CEP128: variants seen among roughly 807,000 people sequenced by gnomAD.
CEP128 encodes centrosomal protein 128kDa.
Under a neutral mutation model 156.7 loss-of-function variants are expected in CEP128, and 132 were observed. The observed-to-expected ratio is 0.84, with a 90% confidence interval of 0.73 to 0.97. CEP128 has a LOEUF of 0.97. Among genes scored for constraint, CEP128 ranks in the 50% least tolerant of loss-of-function variants. CEP128 has a pLI of 0.00. For synonymous variants in CEP128, 469 were observed against 448.9 expected (o/e 1.04, Z -0.57); for missense variants, 1,252 against 1,281.9 (o/e 0.98, Z 0.36).
intron 13 of CEP128, among the ~76,000 whole-genome samples, chr14:80,801,908 CCCAAAAA>C (rs1405874438): frequency 5.3e-5 from 1 of 18,704 alleles, no homozygotes; most frequent in Non-Finnish European, 1.1e-4. Flanking sequence ...ACTCTGTCTC[CCCAAAAA>C]AAAAAAAAAA....
At chr14:80,588,800 GAGCTTTTAAAAAA>G (rs1324943471) in intron 19 of CEP128, among the ~76,000 whole-genome samples, 1 of 151,796 alleles carries the variant, frequency 6.6e-6, no homozygotes, top group Admixed American at 6.6e-5. Flanking sequence ...TTCATTCAGT[GAGCTTTTAAAAAA>G]AGCATGGGAC....
At chr14:80,772,538 C>G (rs891693056) in intron 16 of CEP128, among the ~76,000 whole-genome samples, 4 of 152,184 alleles carry the variant, frequency 2.6e-5, no homozygotes, top group South Asian at 2.1e-4. Context: ...CGGACAGGAC[C>G]TGGGTACCAA....
intron 14 of CEP128, among the ~76,000 whole-genome samples, chr14:80,483,981 CT>C (rs991264627): frequency 1.5e-4 from 23 of 151,228 alleles, no homozygotes; most frequent in African/African-American, 5.4e-4. Flanking sequence ...ATTCCTTTTT[CT>C]TTTTTTTTCT....
chr14:80,844,631 T>C (rs1435055973), intron 9 of CEP128, among the ~76,000 whole-genome samples: 1 of 152,180 alleles, frequency 6.6e-6, no homozygotes, highest in Non-Finnish European at 1.5e-5. Flanking sequence ...GGATTGATCA[T>C]ATGTTAAATA....
At position 80,856,664 on chromosome 14, in the gene CEP128, C is replaced by CGT. The variant is rs908211651; in HGVS notation, c.762+6091_762+6092dup. 6.3e-5 allele frequency among the ~76,000 whole-genome samples: 9 copies of CGT among 142,340 alleles called. 1 individual carries two copies. Among genetic ancestry groups the CGT allele is most frequent in the South Asian group, 4.7e-4 (2 of 4,266 alleles). 93.4% of individuals were successfully genotyped at this position (142,340 alleles called of 152,430 possible). On this transcript the variant is annotated intron_variant, in intron 9 of 24. Transcript: ENST00000555265. ...ATAAAAGTGCTCTGGAGTGTGCCTG[C>CGT]GTGTGTGTGTGTGCGTGTGTGTGTG...
At chr14:80,481,992 T>C (rs1260268251) in intron 14 of CEP128, among the ~76,000 whole-genome samples, 1 of 152,268 alleles carries the variant, frequency 6.6e-6, no homozygotes, top group African/African-American at 2.4e-5. Flanking sequence ...AAAATTCTGG[T>C]ACAGCTGTAC....
At chr14:80,576,649 G>GTC (rs1891372138) in intron 20 of CEP128, among the ~76,000 whole-genome samples, 1 of 127,288 alleles carries the variant, frequency 7.9e-6, no homozygotes, top group Non-Finnish European at 1.7e-5. Context: ...GTGTGTGTGT[G>GTC]TGTGTCTGTG....
chr14:80,486,776 A>G (rs1411735644), downstream of CEP128, among the ~76,000 whole-genome samples: 1 of 152,182 alleles, frequency 6.6e-6, no homozygotes, highest in African/African-American at 2.4e-5. Context: ...ACTAAGCTTC[A>G]TAAGTGAAGG....
At chr14:80,827,676 G>A (rs987228713) in intron 13 of CEP128, among the ~76,000 whole-genome samples, 3 of 152,092 alleles carry the variant, frequency 2.0e-5, no homozygotes, top group African/African-American at 7.2e-5. Flanking sequence ...CTATAATTAT[G>A]AACAAACAAC....
intron 21 of CEP128, among the ~76,000 whole-genome samples, chr14:80,539,644 ACAG>A (rs1167686218): frequency 1.3e-5 from 2 of 152,124 alleles, no homozygotes; most frequent in East Asian, 3.9e-4. Context: ...AAAGAACAGA[ACAG>A]CAGCAATTTT....
intron 16 of CEP128, among the ~76,000 whole-genome samples, chr14:80,777,403 G>A (rs555773012): frequency 6.6e-6 from 1 of 152,306 alleles, no homozygotes; most frequent in South Asian, 2.1e-4. Context: ...GATTCTGCCA[G>A]CACCTTGATC....
intron 12 of CEP128, among the ~76,000 whole-genome samples, chr14:80,835,921 CG>C (rs1175037205): frequency 6.6e-6 from 1 of 152,118 alleles, no homozygotes; most frequent in Non-Finnish European, 1.5e-5. Context: ...GCATGGGAAT[CG>C]GAGGCTGGAA....
At chr14:80,863,596 A>C (rs1459241383) in intron 8 of CEP128, among the ~76,000 whole-genome samples, 1 of 152,204 alleles carries the variant, frequency 6.6e-6, no homozygotes, top group Non-Finnish European at 1.5e-5. Flanking sequence ...ACAGCCCACT[A>C]AATAAAATTT....
chr14:80,583,782 G>A (rs1185202731), intron 19 of CEP128, among the ~76,000 whole-genome samples: 1 of 152,122 alleles, frequency 6.6e-6, no homozygotes, highest in South Asian at 2.1e-4. Context: ...ATTAGCTTTT[G>A]TTGGATTACT....
At chr14:80,882,473 A>T (rs1173171860) in intron 8 of CEP128, among the ~76,000 whole-genome samples, 1 of 152,146 alleles carries the variant, frequency 6.6e-6, no homozygotes, top group Non-Finnish European at 1.5e-5. Flanking sequence ...TGTTCGTGGG[A>T]ATGTAAATTA....
At chr14:80,535,465 G>C (rs11628448) in intron 21 of CEP128, among the ~76,000 whole-genome samples, 32,110 of 152,158 alleles carry the variant, frequency 0.21, 3,725 homozygotes, top group African/African-American at 0.3. Context: ...AGACTTTGAA[G>C]ATGTGTCCTT....
chr14:80,856,703 T>A (rs945632903), intron 9 of CEP128, among the ~76,000 whole-genome samples: 1 of 147,776 alleles, frequency 6.8e-6, no homozygotes, highest in Non-Finnish European at 1.5e-5. Flanking sequence ...CCAGCATTTA[T>A]CTCATGTTTT....
chr14:80,907,164 T>C lies in CEP128; in HGVS notation c.235-1083A>G, dbSNP rs1398304409. Among the ~76,000 whole-genome samples, 3 of 152,170 alleles carry C rather than the reference T, an allele frequency of 2.0e-5. No individual in the cohort carries two copies. In the East Asian group the frequency reaches 5.8e-4, roughly 29 times the overall value. On this transcript the variant is annotated intron_variant, in intron 4 of 24. Coordinates refer to ENST00000555265, the MANE Select transcript of CEP128 (RefSeq NM_152446.5). Reference sequence around the variant, plus strand: ...AGTCACAAATGAAGCAAACCCTTTTTCAGTCTGGCTATTTGGATTTGGCTG... The same window carrying C: ...AGTCACAAATGAAGCAAACCCTTTTCCAGTCTGGCTATTTGGATTTGGCTG...
At chr14:80,589,979 C>T (rs577737295) in intron 19 of CEP128, among the ~76,000 whole-genome samples, 1 of 152,128 alleles carries the variant, frequency 6.6e-6, no homozygotes, top group South Asian at 2.1e-4. Flanking sequence ...AGGTAACAAG[C>T]GTTTTACAAT....
Sources: allele counts gnomAD v4.1 joint callset (sites outside exome capture counted in the v4.1 genomes callset), GRCh38; gene constraint gnomAD v4.1.1; transcripts MANE v1.5; gene names NCBI Gene and HGNC (gene_info 2026-07-23, HGNC 2026-07-21).